GSTCD: variants seen among roughly 807,000 people sequenced by gnomAD.
GSTCD encodes the protein glutathione S-transferase C-terminal domain containing, also known as glutathione S-transferase C-terminal domain-containing protein.
GSTCD carries 44 observed loss-of-function variants against 68.3 expected under a neutral mutation model. That is an observed-to-expected ratio of 0.64 (90% CI 0.51 to 0.83). The LOEUF (loss-of-function observed/expected upper bound fraction) is 0.83, where lower values mean the gene tolerates loss of function less well. Among genes scored for constraint, GSTCD ranks in the 40% least tolerant of loss-of-function variants. GSTCD has a pLI of 0.00. For missense variants in GSTCD, 739 were observed against 735.9 expected (o/e 1.00, Z -0.05); for synonymous variants, 273 against 255.2 (o/e 1.07, Z -0.67).
intron 5 of GSTCD, among the ~76,000 whole-genome samples, chr4:105,819,896 C>A (rs957112206): frequency 6.6e-6 from 1 of 151,008 alleles, no homozygotes; most frequent in Non-Finnish European, 1.5e-5. Flanking sequence ...AAAAAACACA[C>A]AGAATACTGT....
At chr4:105,766,861 C>A (rs1309109929) in intron 5 of GSTCD, among the ~76,000 whole-genome samples, 1 of 124,100 alleles carries the variant, frequency 8.1e-6, no homozygotes, top group Non-Finnish European at 1.6e-5. Context: ...GATTAGTGTC[C>A]CAAAAGCATG....
chr4:105,797,760 C>CTTT (rs70941218), intron 5 of GSTCD, among the ~76,000 whole-genome samples: 102 of 84,946 alleles, frequency 1.2e-3, no homozygotes, highest in African/African-American at 1.5e-3. Flanking sequence ...CACAATAGAA[C>CTTT]TTTTTTTTTT....
chr4:105,839,617 GGT>G (rs927390581), intron 10 of GSTCD, among the ~76,000 whole-genome samples: 16 of 152,064 alleles, frequency 1.1e-4, no homozygotes, highest in Middle Eastern at 3.4e-3. Flanking sequence ...TTTCAGCCCG[GGT>G]GAGAGAGTGA....
chr4:105,728,684 T>G (rs2112050), intron 4 of GSTCD, among the ~76,000 whole-genome samples: 5,670 of 24,432 alleles, frequency 0.23, 149 homozygotes, highest in East Asian at 0.47. Context: ...TATAGATATA[T>G]AGATATAGAT....
intron 9 of GSTCD, among the ~76,000 whole-genome samples, chr4:105,836,039 A>G (rs1036170285): frequency 6.6e-6 from 1 of 151,144 alleles, no homozygotes; most frequent in African/African-American, 2.4e-5. Context: ...ATCTCATCTC[A>G]TCTCTGCAAC....
chr4:105,744,519 A>AT (rs1392962165), intron 5 of GSTCD, among the ~76,000 whole-genome samples: 2 of 151,846 alleles, frequency 1.3e-5, no homozygotes, highest in Non-Finnish European at 2.9e-5. Flanking sequence ...TTATTTCTTT[A>AT]TTTACCATCA....
chr4:105,798,485 T>C (rs540662128), intron 5 of GSTCD, among the ~76,000 whole-genome samples: 40 of 152,240 alleles, frequency 2.6e-4, no homozygotes, highest in African/African-American at 9.6e-4. Flanking sequence ...AGCTATAGTG[T>C]TATGAAATGA....
intron 11 of GSTCD, among the ~76,000 whole-genome samples, chr4:105,843,814 G>A (rs1295602640): frequency 6.6e-6 from 1 of 150,524 alleles, no homozygotes; most frequent in Non-Finnish European, 1.5e-5. Flanking sequence ...GACATAATTA[G>A]TATGGTGGAT....
At chr4:105,728,221 T>A (rs1733105502) in intron 4 of GSTCD, among the ~76,000 whole-genome samples, 1 of 152,174 alleles carries the variant, frequency 6.6e-6, no homozygotes, top group South Asian at 2.1e-4. Flanking sequence ...ATAGTGGCAA[T>A]GATTGAACAA....
At chr4:105,709,608 C>G (rs1238863916) in intron 1 of GSTCD, among the ~76,000 whole-genome samples, 24 of 152,322 alleles carry the variant, frequency 1.6e-4, no homozygotes, top group African/African-American at 5.8e-4. Context: ...TTTGCTAATA[C>G]ACGTACTTCC....
chr4:105,721,107 G>A (rs980851606), intron 3 of GSTCD, among the ~76,000 whole-genome samples: 11 of 152,064 alleles, frequency 7.2e-5, no homozygotes, highest in African/African-American at 2.7e-4. Flanking sequence ...AAGTAGCTGG[G>A]ATTATAGGTG....
chr4:105,805,491 C>T (rs6834772), intron 5 of GSTCD, among the ~76,000 whole-genome samples: 206 of 152,022 alleles, frequency 1.4e-3, no homozygotes, highest in African/African-American at 4.7e-3. Flanking sequence ...TTTCATCTGT[C>T]ATTTTGGGAG....
chr4:105,740,853 G>T (rs921333662), intron 5 of GSTCD, among the ~76,000 whole-genome samples: 2 of 151,956 alleles, frequency 1.3e-5, no homozygotes, highest in Non-Finnish European at 2.9e-5. Flanking sequence ...CCTCAGGGCA[G>T]CCATAGTGTC....
At chr4:105,713,680 A>T (rs992280456) in intron 1 of GSTCD, among the ~76,000 whole-genome samples, 2 of 152,150 alleles carry the variant, frequency 1.3e-5, no homozygotes, top group Non-Finnish European at 2.9e-5. Flanking sequence ...GGACAATAAA[A>T]TGTATGTAAT....
At chr4:105,729,692 C>T (rs1460008537) in intron 5 of GSTCD, among the ~76,000 whole-genome samples, 193 bp downstream of exon 5, 2 of 151,984 alleles carry the variant, frequency 1.3e-5, no homozygotes, top group Non-Finnish European at 2.9e-5. Context: ...TCACATTTTT[C>T]TACATTTGTT....
intron 10 of GSTCD, among the ~76,000 whole-genome samples, chr4:105,838,202 G>T (rs1043190174): frequency 1.2e-4 from 18 of 152,162 alleles, no homozygotes; most frequent in Non-Finnish European, 1.9e-4. Context: ...TGGCAATAGT[G>T]GTAGCCACAA....
intron 5 of GSTCD, among the ~76,000 whole-genome samples, chr4:105,774,089 T>G (rs1292801732): frequency 6.6e-6 from 1 of 152,218 alleles, no homozygotes; most frequent in Admixed American, 6.5e-5. Flanking sequence ...CTTATTGCAT[T>G]GATCCCCTTA....
chr4:105,758,862 T>TA (rs1277954599), intron 5 of GSTCD, among the ~76,000 whole-genome samples: 17 of 152,324 alleles, frequency 1.1e-4, no homozygotes, highest in South Asian at 2.1e-4. Flanking sequence ...TTATAAGTTT[T>TA]ACAGGCTGAT....
At chr4:105,725,419 T>G (rs1440542753) in intron 3 of GSTCD, among the ~76,000 whole-genome samples, 1 of 152,136 alleles carries the variant, frequency 6.6e-6, no homozygotes, top group Non-Finnish European at 1.5e-5. Context: ...CAAACTGTCT[T>G]TCAAAGTGGC....
Sources: gnomAD v4.1 joint callset for allele counts (sites outside exome capture counted in the v4.1 genomes callset) on GRCh38, gnomAD v4.1.1 for gene constraint, MANE v1.5 for transcripts, NCBI Gene and HGNC (gene_info 2026-07-23, HGNC 2026-07-21) for gene names.